The following ZC3H12B variants were observed in gnomAD, a reference collection of about 807,000 sequenced individuals.
The protein encoded by ZC3H12B is zinc finger CCCH-type containing 12B.
In ZC3H12B, 7 loss-of-function variants were observed where a neutral mutation model predicts 43.9. The ratio of observed to expected loss-of-function variants is 0.16; its 90% CI spans 0.09 to 0.30. The LOEUF (loss-of-function observed/expected upper bound fraction) is 0.30. ZC3H12B is among the 10% of genes least tolerant of loss of function. ZC3H12B has a pLI of 1.00. For synonymous variants in ZC3H12B, 222 were observed against 241.7 expected, an observed-to-expected ratio of 0.92 and a Z score of 0.76; for missense variants, 475 against 670.2, an observed-to-expected ratio of 0.71 and a Z score of 3.22.
At chrX:65,462,754 T>G (rs1045298194) in intron 3 of ZC3H12B, among the ~76,000 whole-genome samples, 4 of 111,200 alleles carry the variant, frequency 3.6e-5, no homozygotes, top group Non-Finnish European at 7.6e-5. Context: ...GACCCAGTAA[T>G]CCCATTACTG....
the ZC3H12B span, among the ~76,000 whole-genome samples, chrX:65,338,915 A>G: frequency 1.8e-5 from 2 of 112,438 alleles, no homozygotes; most frequent in Middle Eastern, 4.2e-3. Flanking sequence ...ATCATACTGA[A>G]TGGACAAAAG....
At chrX:65,502,280 A>G (rs1446587677) in exon 5 of ZC3H12B, 6 of 1,209,236 alleles carry the variant, frequency 5.0e-6, no homozygotes, top group Non-Finnish European at 6.7e-6. Context: ...TGGGACCCCT[A>G]TTAGCTATGC....
chrX:65,410,344 C>T (rs1198185078), intron 3 of ZC3H12B, among the ~76,000 whole-genome samples: 1 of 111,729 alleles, frequency 9.0e-6, no homozygotes, highest in Non-Finnish European at 1.9e-5. Context: ...AATATAAGAC[C>T]TCAAACTATG....
chrX:65,313,889 A>G, the ZC3H12B span, among the ~76,000 whole-genome samples: 2 of 112,198 alleles, frequency 1.8e-5, no homozygotes, highest in East Asian at 2.8e-4. Flanking sequence ...TTTAAATCAG[A>G]TATTATAACC....
At chrX:65,214,587 C>G in the ZC3H12B span, among the ~76,000 whole-genome samples, 1 of 111,571 alleles carries the variant, frequency 9.0e-6, no homozygotes, top group Non-Finnish European at 1.9e-5. Flanking sequence ...ACTTCTAATT[C>G]CAGTTCTCTT....
the ZC3H12B span, among the ~76,000 whole-genome samples, chrX:65,253,943 C>A: frequency 8.9e-6 from 1 of 112,251 alleles, no homozygotes. Context: ...CAGTTCAGGT[C>A]TTCATGTGCA....
intron 3 of ZC3H12B, among the ~76,000 whole-genome samples, chrX:65,426,090 G>GT (rs58660120): frequency 0.024 from 2,351 of 99,022 alleles, 47 homozygotes; most frequent in African/African-American, 0.057. Flanking sequence ...GTCTTATCCT[G>GT]TTTTTTTTTT....
chrX:65,338,921 A>G, the ZC3H12B span, among the ~76,000 whole-genome samples: 1 of 112,452 alleles, frequency 8.9e-6, no homozygotes, highest in Non-Finnish European at 1.9e-5. Flanking sequence ...CTGAATGGAC[A>G]AAAGTTGAAA....
chrX:65,382,185 T>C lies in ZC3H12B; in HGVS notation n.295+13187T>C, dbSNP rs1049388754. Among the ~76,000 whole-genome samples, 39 of 110,995 alleles carry C rather than the reference T, an allele frequency of 3.5e-4. No homozygotes were observed. In the South Asian group the frequency reaches 6.2e-3, roughly 18 times the overall value. On this transcript the variant is annotated intron_variant and non_coding_transcript_variant, in intron 2 of 5. Transcript: ENST00000617377. ...TTTAGACCAATATGCTTGATGAACA[T>C]TGATGCAAAAATCCTCAATAAAATA...
At chrX:65,149,232 C>T in the ZC3H12B span, among the ~76,000 whole-genome samples, 1 of 111,696 alleles carries the variant, frequency 9.0e-6, no homozygotes, top group Middle Eastern at 4.6e-3. Context: ...CCCACATAAT[C>T]TCCAGTCCTG....
the ZC3H12B span, among the ~76,000 whole-genome samples, chrX:65,174,194 G>A: frequency 1.8e-5 from 2 of 111,807 alleles, no homozygotes; most frequent in African/African-American, 6.5e-5. Context: ...GCTGGGAGGT[G>A]TCTCCCAGTC....
the ZC3H12B span, among the ~76,000 whole-genome samples, chrX:65,101,935 G>T: frequency 2.7e-5 from 3 of 112,201 alleles, no homozygotes; most frequent in Admixed American, 9.4e-5. Flanking sequence ...AACAAGAAAA[G>T]AAAAGTTTTA....
the ZC3H12B span, among the ~76,000 whole-genome samples, chrX:65,197,035 G>A: frequency 8.9e-6 from 1 of 111,953 alleles, no homozygotes. Flanking sequence ...AGAAAGGCTT[G>A]GCAGCAGGGA....
the ZC3H12B span, among the ~76,000 whole-genome samples, chrX:65,352,740 G>T: frequency 8.9e-6 from 1 of 111,885 alleles, no homozygotes; most frequent in Admixed American, 9.4e-5. Context: ...TTCCAACAAT[G>T]TATGCTCACT....
chrX:65,199,501 G>A, the ZC3H12B span, among the ~76,000 whole-genome samples: 11 of 110,128 alleles, frequency 1.0e-4, no homozygotes, highest in African/African-American at 3.0e-4. Flanking sequence ...TGTTACATAG[G>A]TAGACGTGTG....
chrX:65,151,534 A>G, the ZC3H12B span, among the ~76,000 whole-genome samples: 2 of 111,910 alleles, frequency 1.8e-5, no homozygotes, highest in African/African-American at 3.2e-5. Context: ...TGAATTTTTA[A>G]TTACTCAGAT....
intron 1 of ZC3H12B, among the ~76,000 whole-genome samples, chrX:65,492,236 A>C (rs1469221855): frequency 1.8e-5 from 2 of 112,009 alleles, no homozygotes; most frequent in Non-Finnish European, 3.8e-5. Flanking sequence ...GCTTCATGGT[A>C]ATGTAATATC....
intron 2 of ZC3H12B, among the ~76,000 whole-genome samples, chrX:65,374,980 A>G (rs1315064238): frequency 9.0e-6 from 1 of 111,291 alleles, no homozygotes; most frequent in Non-Finnish European, 1.9e-5. Flanking sequence ...ACAATTCAAG[A>G]TGAGATTTGA....
the ZC3H12B span, among the ~76,000 whole-genome samples, chrX:65,296,450 A>G: frequency 3.6e-5 from 4 of 110,794 alleles, no homozygotes; most frequent in Non-Finnish European, 3.8e-5. Context: ...AATTACCACT[A>G]AAGAACTATT....
Sources: gnomAD v4.1 joint callset for allele counts (sites outside exome capture counted in the v4.1 genomes callset) on GRCh38, gnomAD v4.1.1 for gene constraint, MANE v1.5 for transcripts, NCBI Gene and HGNC (gene_info 2026-07-23, HGNC 2026-07-21) for gene names.